The following LAMC2 variants were observed in gnomAD, a reference collection of about 807,000 sequenced individuals.
The protein encoded by LAMC2 is laminin subunit gamma 2.
A neutral mutation model predicts 140.2 loss-of-function variants in LAMC2; 97 were observed. The observed-to-expected ratio is 0.69, with a 90% CI of 0.59 to 0.82. The LOEUF is 0.82. Ranked by LOEUF, LAMC2 falls within the 40% of genes least tolerant of loss-of-function variation. The probability of loss-of-function intolerance (pLI) is 0.00; values close to 1 mark genes in which losing one functional copy is unlikely to be tolerated. For synonymous variants in LAMC2, 513 were observed against 540.2 expected, an observed-to-expected ratio of 0.95 and a Z score of 0.70; for missense variants, 1,402 against 1,476.1, an observed-to-expected ratio of 0.95 and a Z score of 0.82.
intron 20 of LAMC2, 83 bp from the exon 21 acceptor site, chr1:183,239,957 A>G: frequency 6.6e-7 from 1 of 1,512,238 alleles, no homozygotes; most frequent in Non-Finnish European, 9.2e-7. Flanking sequence ...CTGCCGCTGT[A>G]TTTTTTCTAT....
intron 20 of LAMC2, 130 bp from the exon 21 acceptor site, chr1:183,239,910 T>G: frequency 9.8e-7 from 1 of 1,024,584 alleles, no homozygotes; most frequent in Non-Finnish European, 1.5e-6. Flanking sequence ...AGTCTGATTC[T>G]CTCATTATTC....
chr1:183,215,473 G>T lies in LAMC2; in HGVS notation c.289G>T (p.Asp97Tyr). 1 of 1,613,976 alleles carries T rather than the reference G, an allele frequency of 6.2e-7. No individual in the cohort carries two copies. Among genetic ancestry groups the T allele is most frequent in the South Asian group, 1.1e-5 (1 of 91,052 alleles). Residue 97 changes from aspartate (D) to tyrosine (Y), a missense_variant, in exon 3 of 23, where the codon GAC becomes TAC. By Grantham distance (160) the Asp-to-Tyr change is radical (BLOSUM62 -3). This residue lies in a region of LAMC2 where 723 missense variants were observed against 783.3 expected (regional missense o/e 0.92). Coordinates refer to ENST00000264144, the MANE Select transcript of LAMC2 (RefSeq NM_005562.3). ...TTCAGGTTCTCTTAGTGCTCGATGTGACAACTCCGGACGGTGCAGCTGTAA... is the reference window on the plus strand; with the variant it reads ...TTCAGGTTCTCTTAGTGCTCGATGTTACAACTCCGGACGGTGCAGCTGTAA... ...NSKGSLSARCDNSGRCSCKPG... is the reference protein window; with the variant it reads ...NSKGSLSARCYNSGRCSCKPG...
intron 1 of LAMC2, among the ~76,000 whole-genome samples, chr1:183,204,808 C>T (rs945067272): frequency 4.6e-5 from 7 of 151,930 alleles, no homozygotes; most frequent in African/African-American, 1.7e-4. Flanking sequence ...ATTTTTACCA[C>T]CACAAAGCAT....
chr1:183,242,853 T>TC (rs1184422745), intron 22 of LAMC2, among the ~76,000 whole-genome samples: 3 of 148,536 alleles, frequency 2.0e-5, no homozygotes, highest in African/African-American at 7.6e-5. Flanking sequence ...TTTTTTTTTT[T>TC]CATAGCATAA....
At chr1:183,213,677 G>A (rs539767466) in intron 2 of LAMC2, among the ~76,000 whole-genome samples, 1 of 146,444 alleles carries the variant, frequency 6.8e-6, no homozygotes, top group African/African-American at 2.5e-5. Context: ...GCACATGCCT[G>A]TAGTCCCAGC....
rs374054488 is a variant in LAMC2, at chr1:183,235,587, A to G, written c.2313A>G (p.Ser771=). 2.5e-6 allele frequency: 4 copies of G among 1,614,240 alleles called. No individual in the cohort carries two copies. The highest frequency in any genetic ancestry group is 2.2e-5 in the East Asian group (1 of 44,878). Residue 771 remains serine, a synonymous_variant, in exon 16 of 23, where the codon TCA becomes TCG. Transcript: ENST00000264144. The stretch of plus-strand genomic sequence containing the variant: ...TTAATCCTTTCAGCCACGTTGAGTC[A>G]GCCAGTAACATGGAGCAACTGACAA... ...ATRLAESHVE[S]ASNMEQLTRE... is the part of the protein sequence containing the mutation.
At chr1:183,207,837 T>G in intron 1 of LAMC2, 44 bp from the exon 2 acceptor site, 4 of 1,247,010 alleles carry the variant, frequency 3.2e-6, no homozygotes, top group South Asian at 1.3e-5. Context: ...CCTGAGGTGT[T>G]TTTTTTTTTT....
At chr1:183,240,820 G>A in intron 22 of LAMC2, 1 of 376,186 alleles carries the variant, frequency 2.7e-6, no homozygotes, top group South Asian at 8.3e-5. Context: ...GAGGGGGTTA[G>A]AGAGAAGGCA....
At chr1:183,206,737 G>A (rs1369286371) in intron 1 of LAMC2, among the ~76,000 whole-genome samples, 1 of 151,974 alleles carries the variant, frequency 6.6e-6, no homozygotes, top group Admixed American at 6.5e-5. Context: ...CTCAGCAGGT[G>A]ATGGCACATC....
chr1:183,228,732 C>A lies in LAMC2; in HGVS notation c.1714+113C>A. On this transcript the variant is annotated intron_variant, in intron 11 of 22. Coordinates refer to ENST00000264144, the MANE Select transcript of LAMC2 (RefSeq NM_005562.3). The surrounding 1 kb of genome is among the most constrained non-coding windows in gnomAD (Gnocchi z 4.3). ...CATATCATGATGTTACTTTGATTCT[C>A]TGACCAAACTGGCCTGTGAGCACCC... The A allele has an allele frequency of 6.9e-7, 1 of 1,440,530 alleles. No homozygotes were observed. The highest frequency in any genetic ancestry group is 9.6e-7 in the Non-Finnish European group (1 of 1,037,352). The allele number at this position is 1,440,530 out of a possible 1,614,324, so 89.2% of individuals were successfully genotyped here.
Position 183,187,173 on chromosome 1 carries a change from GC to G in LAMC2, c.79+745del, listed in dbSNP as rs1416096295. The stretch of plus-strand genomic sequence containing the variant: ...TCTATGGATATATGCCTGTATAATT[GC>G]CCTGATGTTTTATGTTTATATTGCA... On this transcript the variant is annotated intron_variant, in intron 1 of 22. Coordinates refer to ENST00000264144, the MANE Select transcript of LAMC2 (RefSeq NM_005562.3). Among the ~76,000 whole-genome samples the G allele has an allele frequency of 2.0e-5, 3 of 152,234 alleles. No individual in the cohort carries two copies. The East Asian group carries it at 5.8e-4, about 29-fold the overall frequency.
At chr1:183,198,142 T>TTC (rs1658582418) in intron 1 of LAMC2, among the ~76,000 whole-genome samples, 1 of 60,748 alleles carries the variant, frequency 1.6e-5, no homozygotes, top group African/African-American at 4.5e-5. Flanking sequence ...TTTTCTTTCT[T>TTC]TTTTTTTTTT....
At chr1:183,238,504 C>G in intron 19 of LAMC2, 83 bp downstream of exon 19, 1 of 874,022 alleles carries the variant, frequency 1.1e-6, no homozygotes, top group Non-Finnish European at 2.0e-6. Flanking sequence ...ATATGTCTCT[C>G]TAAGTGGCAG....
At position 183,234,434 on chromosome 1, in the gene LAMC2, G is replaced by T. The variant is rs1659891538; in HGVS notation, c.2288G>T (p.Arg763Ile). 1 of 1,613,874 alleles carries T rather than the reference G, an allele frequency of 6.2e-7. No individual in the cohort carries two copies. ...GFKSLAQEATRLAESHVESAS... is the reference protein window; with the variant it reads ...GFKSLAQEATILAESHVESAS... ...AAAAGTCTGGCTCAGGAGGCCACAA[G>T]ATTAGCAGAAAGGTGAGCAGCATTA... Residue 763 changes from arginine to isoleucine, a missense_variant, in exon 15 of 23, where the codon AGA becomes ATA. By Grantham distance (97) the Arg-to-Ile change is moderately conservative. This residue lies in a region of LAMC2 where 670 missense variants were observed against 667.2 expected (regional missense o/e 1.00). Coordinates refer to ENST00000264144, the MANE Select transcript of LAMC2 (RefSeq NM_005562.3).
intron 14 of LAMC2, among the ~76,000 whole-genome samples, chr1:183,233,521 GA>G (rs1389809855): frequency 6.6e-6 from 1 of 152,148 alleles, no homozygotes; most frequent in African/African-American, 2.4e-5. Context: ...ATGAATAGAG[GA>G]AGTGGAATGA....
intron 1 of LAMC2, among the ~76,000 whole-genome samples, chr1:183,201,517 A>G (rs1386234514): frequency 6.6e-6 from 1 of 152,252 alleles, no homozygotes; most frequent in East Asian, 1.9e-4. Context: ...TTTTAGATGC[A>G]TACATCAGAT....
Position 183,223,249 on chromosome 1 carries a change from G to T in LAMC2, c.878G>T (p.Gly293Val), listed in dbSNP as rs768001873. The change falls in exon 7 of 23, where the codon GGT becomes GTT. Residue 293 changes from glycine (G) to valine (V), a missense_variant. Physicochemically the swap from Gly to Val is moderately radical, Grantham distance 109 (BLOSUM62 -3). This residue lies in a region of LAMC2 where 723 missense variants were observed against 783.3 expected (regional missense o/e 0.92). Transcript: ENST00000264144. ...CATGATGTGATTCTGGAAGGTGCTG[G>T]TCTACGGATCACAGCTCCCTTGATG... is the stretch of plus-strand genomic sequence containing the variant. Reference protein sequence around the residue: ...SAHDVILEGAGLRITAPLMPL... With the variant: ...SAHDVILEGAVLRITAPLMPL... 2 of 1,614,186 alleles carry T rather than the reference G, an allele frequency of 1.2e-6. No homozygotes were observed. The highest frequency in any genetic ancestry group is 2.2e-5 in the South Asian group (2 of 91,086).
At chr1:183,223,373 A>G in intron 7 of LAMC2, 49 bp downstream of exon 7, 1 of 1,543,138 alleles carries the variant, frequency 6.5e-7, no homozygotes, top group Non-Finnish European at 9.0e-7. Flanking sequence ...CTATGATTGA[A>G]GTTCAAGTTT....
chr1:183,221,903 G>A (rs1659485424), intron 5 of LAMC2, among the ~76,000 whole-genome samples, 186 bp from the exon 6 acceptor site: 1 of 152,160 alleles, frequency 6.6e-6, no homozygotes, highest in Non-Finnish European at 1.5e-5. Context: ...ATGGGAGCAG[G>A]TGAAGTTGAG....
Sources: gnomAD v4.1 joint callset for allele counts (sites outside exome capture counted in the v4.1 genomes callset) on GRCh38, gnomAD v4.1.1 for gene constraint, gnomAD v4.1.1 regional missense constraint, Gnocchi (gnomAD v3.1) non-coding constraint, MANE v1.5 for transcripts, NCBI Gene and HGNC (gene_info 2026-07-23, HGNC 2026-07-21) for gene names.